TJP1: variants seen among roughly 807,000 people sequenced by gnomAD.
The protein encoded by TJP1 is tight junction protein 1.
In TJP1, 43 loss-of-function variants were observed where a neutral mutation model predicts 194.2. The ratio of observed to expected loss-of-function variants is 0.22; its 90% CI spans 0.17 to 0.29. The LOEUF is 0.29. Ranked by LOEUF, TJP1 falls within the 10% of genes least tolerant of loss-of-function variation. The pLI, the probability that TJP1 is intolerant of heterozygous loss-of-function variation, is 1.00. For missense variants in TJP1, 1,971 were observed against 2,185.7 expected, an observed-to-expected ratio of 0.90 and a Z score of 1.96; for synonymous variants, 801 against 779.0, an observed-to-expected ratio of 1.03 and a Z score of -0.47.
chr15:29,735,865 A>C (rs1199128878), intron 11 of TJP1, among the ~76,000 whole-genome samples: 2 of 152,156 alleles, frequency 1.3e-5, no homozygotes, highest in African/African-American at 4.8e-5. Context: ...AGGGAAAAGG[A>C]GGAGGATTCA....
intron 23 of TJP1, among the ~76,000 whole-genome samples, chr15:29,712,774 G>T (rs2042317948): frequency 6.7e-6 from 1 of 149,198 alleles, no homozygotes; most frequent in Non-Finnish European, 1.5e-5. Flanking sequence ...AGGATAATTA[G>T]CAGGTTCTGA....
chr15:29,730,531 G>A (rs2043560433), intron 15 of TJP1, among the ~76,000 whole-genome samples: 1 of 151,752 alleles, frequency 6.6e-6, no homozygotes, highest in African/African-American at 2.4e-5. Flanking sequence ...CATGAGTTTG[G>A]GACTACAGTG....
intron 2 of TJP1, among the ~76,000 whole-genome samples, chr15:29,950,080 C>A (rs142383287): frequency 0.55 from 4,703 of 8,544 alleles, 1,821 homozygotes; most frequent in Middle Eastern, 1. Context: ...CCTCCACCAC[C>A]ACCATCTTCA....
At chr15:29,798,285 T>C (rs1360931504) in intron 2 of TJP1, among the ~76,000 whole-genome samples, 2 of 139,734 alleles carry the variant, frequency 1.4e-5, no homozygotes, top group East Asian at 4.1e-4. Context: ...TTTTTTTTTT[T>C]CTTTTCTTTC....
At chr15:29,741,509 T>C (rs2044417720) in intron 9 of TJP1, 73 bp from the exon 10 acceptor site, 1 of 972,050 alleles carries the variant, frequency 1.0e-6, no homozygotes, top group Non-Finnish European at 1.6e-6. Flanking sequence ...CCAAGCAATA[T>C]ATGATTCATA....
chr15:29,860,305 G>A (rs977472969), intron 2 of TJP1, among the ~76,000 whole-genome samples: 1 of 152,136 alleles, frequency 6.6e-6, no homozygotes, highest in Non-Finnish European at 1.5e-5. Context: ...GTTCCAGGGA[G>A]CAGAAAGTAA....
chr15:29,949,625 TCCACCTCCA>T (rs2055532827), intron 2 of TJP1, among the ~76,000 whole-genome samples: 32 of 33,646 alleles, frequency 9.5e-4, no homozygotes, highest in African/African-American at 3.3e-3. Context: ...CACCACCACC[TCCACCTCCA>T]CCACCTCCAC....
chr15:29,929,955 C>A, intron 2 of TJP1, among the ~76,000 whole-genome samples: 1 of 152,030 alleles, frequency 6.6e-6, no homozygotes, highest in East Asian at 1.9e-4. Flanking sequence ...CTATGAACAA[C>A]TTTATGCAAT....
At chr15:29,964,103 T>C (rs191217355) in intron 1 of TJP1, among the ~76,000 whole-genome samples, 17 of 152,346 alleles carry the variant, frequency 1.1e-4, no homozygotes, top group African/African-American at 3.8e-4. Context: ...TCACCTTACT[T>C]AGAATGTTAC....
At chr15:29,858,590 C>A (rs1020972713) in intron 2 of TJP1, among the ~76,000 whole-genome samples, 2 of 152,062 alleles carry the variant, frequency 1.3e-5, no homozygotes, top group African/African-American at 4.8e-5. Context: ...GTCAATCAGG[C>A]TGGAGTACAG....
At chr15:29,829,787 GC>G (rs2050781524) in intron 2 of TJP1, among the ~76,000 whole-genome samples, 1 of 151,844 alleles carries the variant, frequency 6.6e-6, no homozygotes, top group South Asian at 2.1e-4. Flanking sequence ...AGTAGAACTT[GC>G]TAAAACACTG....
chr15:29,800,618 C>G (rs754297368), intron 2 of TJP1, 28 bp downstream of exon 2: 36 of 1,612,552 alleles, frequency 2.2e-5, no homozygotes, highest in Non-Finnish European at 3.0e-5. Flanking sequence ...GAGTTATACA[C>G]AGATTACTTA....
At chr15:29,844,042 T>C (rs2051322428) in intron 2 of TJP1, among the ~76,000 whole-genome samples, 1 of 152,152 alleles carries the variant, frequency 6.6e-6, no homozygotes, top group Non-Finnish European at 1.5e-5. Context: ...CCAGAGTGAC[T>C]GTTTTTTTGT....
At chr15:29,775,341 A>G (rs1327055906) in intron 2 of TJP1, among the ~76,000 whole-genome samples, 1 of 141,134 alleles carries the variant, frequency 7.1e-6, no homozygotes, top group African/African-American at 2.6e-5. Flanking sequence ...AAAAAAAAAA[A>G]TATGCTGAGG....
At chr15:29,898,137 C>T (rs576101583) in intron 2 of TJP1, among the ~76,000 whole-genome samples, 4 of 152,252 alleles carry the variant, frequency 2.6e-5, no homozygotes, top group African/African-American at 7.2e-5. Flanking sequence ...ACAGTTCCTA[C>T]GTGTTGTGGG....
intron 2 of TJP1, among the ~76,000 whole-genome samples, chr15:29,859,971 C>T (rs2052011627): frequency 6.6e-6 from 1 of 152,004 alleles, no homozygotes; most frequent in Non-Finnish European, 1.5e-5. Context: ...AGGCCTTGTG[C>T]TGCTGTGAAA....
At chr15:29,885,019 A>T (rs536874656) in intron 2 of TJP1, among the ~76,000 whole-genome samples, 19 of 152,336 alleles carry the variant, frequency 1.2e-4, no homozygotes, top group East Asian at 7.7e-4. Context: ...CAGCCTTCAA[A>T]GGAAGTTCTT....
At chr15:29,795,803 A>T (rs1266313341) in intron 2 of TJP1, among the ~76,000 whole-genome samples, 1 of 152,196 alleles carries the variant, frequency 6.6e-6, no homozygotes, top group East Asian at 1.9e-4. Context: ...AATGGATAAC[A>T]TGTAAACAAT....
In TJP1 at chr15:29,727,966, G is replaced by A. The variant is rs28420381; in HGVS notation, c.2071C>T (p.Leu691=). 2.6e-3 allele frequency: 4,158 copies of A among 1,614,042 alleles called. 13 individuals are homozygous for A. The highest frequency in any genetic ancestry group is 6.9e-3 in the Middle Eastern group (42 of 6,062). Residue 691 remains leucine, a synonymous_variant, in exon 16 of 28, where the codon CTG becomes TTG. Transcript: ENST00000614355. ...TCTATGATTTGCTTTATTGTATGCA[G>A]GCGAATAATGCCAGAGCTACGTTGG... ...TDQRSSGIIR[L]HTIKQIIDQD...
Sources: gnomAD v4.1 joint callset for allele counts (sites outside exome capture counted in the v4.1 genomes callset) on GRCh38, gnomAD v4.1.1 for gene constraint, MANE v1.5 for transcripts, NCBI Gene and HGNC (gene_info 2026-07-23, HGNC 2026-07-21) for gene names.